Variants in ADAMTS20 observed in about 807,000 individuals in gnomAD.
The protein encoded by ADAMTS20 is A disintegrin and metalloproteinase with thrombospondin motifs 20.
A neutral mutation model predicts 260.1 loss-of-function variants in ADAMTS20; 225 were observed. The ratio of observed to expected loss-of-function variants is 0.87; its 90% CI spans 0.78 to 0.97. The LOEUF is 0.97. Among genes scored for constraint, ADAMTS20 ranks in the 50% least tolerant of loss-of-function variants. The pLI is 0.00. For missense variants in ADAMTS20, 2,400 were observed against 2,337.7 expected (o/e 1.03, Z -0.55); for synonymous variants, 802 against 769.5 (o/e 1.04, Z -0.70).
At position 43,428,726 on chromosome 12, in the gene ADAMTS20, T is replaced by G; in HGVS notation, c.3563A>C (p.Asp1188Ala). Residue 1188 changes from aspartate to alanine, a missense_variant, in exon 25 of 39, where the codon GAT becomes GCT. By Grantham distance (126) the Asp-to-Ala change is moderately radical. Transcript: ENST00000389420. ...SCRDALDRIA[D>A]ESYCAHLPRP... Reference sequence around the variant, plus strand: ...GGGTAAGTGGGCACAATATGATTCATCTGCTATTCTATCAAGAGCATCACG... The same window carrying G: ...GGGTAAGTGGGCACAATATGATTCAGCTGCTATTCTATCAAGAGCATCACG... 2 of 1,612,724 alleles carry G rather than the reference T, an allele frequency of 1.2e-6. No homozygotes were observed. The highest frequency in any genetic ancestry group is 3.3e-5 in the Admixed American group (2 of 59,956).
At chr12:43,413,584 C>T (rs1941073600) in intron 28 of ADAMTS20, among the ~76,000 whole-genome samples, 9 of 152,080 alleles carry the variant, frequency 5.9e-5, no homozygotes, top group Admixed American at 5.9e-4. Context: ...AAATATTTGT[C>T]TCAAAATAAT....
chr12:43,487,658 T>G (rs1942543536), intron 7 of ADAMTS20, among the ~76,000 whole-genome samples: 1 of 152,160 alleles, frequency 6.6e-6, no homozygotes, highest in African/African-American at 2.4e-5. Flanking sequence ...AATTTATTAT[T>G]GAATGACATT....
chr12:43,356,656 C>T, intron 37 of ADAMTS20, 68 bp from the exon 38 acceptor site: 1 of 1,175,528 alleles, frequency 8.5e-7, no homozygotes, highest in African/African-American at 1.5e-5. Flanking sequence ...AATAAGTCTT[C>T]TCAATTGCAA....
At chr12:43,369,160 AG>A (rs1940048698) in intron 37 of ADAMTS20, 129 bp downstream of exon 37, 1 of 487,922 alleles carries the variant, frequency 2.0e-6, no homozygotes, top group Admixed American at 4.5e-5. Flanking sequence ...TTTGAAACAA[AG>A]CGCATATGTG....
At chr12:43,387,792 C>A (rs1940512327) in intron 29 of ADAMTS20, among the ~76,000 whole-genome samples, 1 of 152,166 alleles carries the variant, frequency 6.6e-6, no homozygotes, top group African/African-American at 2.4e-5. Context: ...TGGTGGGCTC[C>A]ATCCTATTTG....
intron 2 of ADAMTS20, among the ~76,000 whole-genome samples, chr12:43,538,845 T>TAGAC (rs1466856181): frequency 6.6e-6 from 1 of 152,134 alleles, no homozygotes; most frequent in Non-Finnish European, 1.5e-5. Context: ...AGGCACTCTG[T>TAGAC]AGACAGCTGC....
At chr12:43,354,955 G>A (rs961646762) in intron 38 of ADAMTS20, among the ~76,000 whole-genome samples, 4 of 152,154 alleles carry the variant, frequency 2.6e-5, no homozygotes, top group African/African-American at 9.7e-5. Flanking sequence ...GAAGTGGGTT[G>A]GTCAGGACGT....
chr12:43,544,974 G>C (rs1002679287), intron 2 of ADAMTS20, among the ~76,000 whole-genome samples: 1 of 152,114 alleles, frequency 6.6e-6, no homozygotes, highest in Non-Finnish European at 1.5e-5. Flanking sequence ...TGCTCTGCCA[G>C]TAGCATGCTC....
At position 43,422,120 on chromosome 12, in the gene ADAMTS20, T is replaced by A. The variant is rs142504365; in HGVS notation, c.4284+3394A>T. 9.5e-4 allele frequency among the ~76,000 whole-genome samples: 145 copies of A among 152,188 alleles called. 3 individuals are homozygous for A. The East Asian group carries it at 0.024, about 25-fold the overall frequency. ...CAAAAATGTAGCCATTAAATTAACA[T>A]AGGCTAAGATTTATTTATTCCTTTT... On this transcript the variant is annotated intron_variant, in intron 28 of 38. Transcript: ENST00000389420.
rs1333098589 is a variant in ADAMTS20 at position 43,551,807 on chromosome 12, GA to G, written c.91+23del. The G allele has an allele frequency of 4.3e-6, 7 of 1,611,898 alleles. No homozygotes were observed. The highest frequency in any genetic ancestry group is 5.9e-6 in the Non-Finnish European group (7 of 1,178,654). On this transcript the variant is annotated intron_variant, in intron 1 of 38. Coordinates refer to ENST00000389420, the MANE Select transcript of ADAMTS20 (RefSeq NM_025003.5). This position sits in a 1 kb window ranked among gnomAD's most constrained non-coding sequence, Gnocchi z 4.6. Reference sequence around the variant, plus strand: ...GGCCCCGCGCCCCCACTTAGCCGCTGAAGGCGTCTCGCGGTGACTTTACCTT... The same window carrying G: ...GGCCCCGCGCCCCCACTTAGCCGCTGAGGCGTCTCGCGGTGACTTTACCTT...
chr12:43,384,086 TA>T, intron 29 of ADAMTS20, 109 bp from the exon 30 acceptor site: 1 of 1,007,480 alleles, frequency 9.9e-7, no homozygotes, highest in Non-Finnish European at 1.4e-6. Flanking sequence ...AGCCTGGTAT[TA>T]AAACATGAAT....
chr12:43,409,432 C>A (rs1440507679), intron 28 of ADAMTS20, among the ~76,000 whole-genome samples: 1 of 150,540 alleles, frequency 6.6e-6, no homozygotes, highest in Admixed American at 6.6e-5. Flanking sequence ...GAAACCTCGT[C>A]TCTACTAAAA....
chr12:43,538,514 T>A (rs1312858483), intron 2 of ADAMTS20, among the ~76,000 whole-genome samples: 1 of 152,356 alleles, frequency 6.6e-6, no homozygotes, highest in East Asian at 1.9e-4. Flanking sequence ...AGAAGCTTTT[T>A]AACTTGATGT....
intron 2 of ADAMTS20, among the ~76,000 whole-genome samples, chr12:43,546,869 T>G (rs1943447639): frequency 1.3e-5 from 2 of 152,240 alleles, no homozygotes; most frequent in South Asian, 4.1e-4. Flanking sequence ...ATACTTACAC[T>G]TATGGAAAAT....
intron 7 of ADAMTS20, among the ~76,000 whole-genome samples, chr12:43,484,408 GA>G (rs1942489475): frequency 6.6e-6 from 1 of 151,930 alleles, no homozygotes; most frequent in Non-Finnish European, 1.5e-5. Flanking sequence ...ATAGAGAGGT[GA>G]AAAACAAATA....
intron 14 of ADAMTS20, among the ~76,000 whole-genome samples, chr12:43,451,726 T>C (rs1941866936): frequency 6.6e-6 from 1 of 152,146 alleles, no homozygotes; most frequent in Non-Finnish European, 1.5e-5. Flanking sequence ...TTTACATGCC[T>C]ATTTCCCCCA....
intron 37 of ADAMTS20, among the ~76,000 whole-genome samples, chr12:43,367,590 T>C (rs2137196378): frequency 6.6e-6 from 1 of 152,162 alleles, no homozygotes; most frequent in South Asian, 2.1e-4. Flanking sequence ...ACTAACATAC[T>C]TACTGCTGAA....
intron 7 of ADAMTS20, among the ~76,000 whole-genome samples, chr12:43,472,224 G>C (rs1299187794): frequency 1.3e-5 from 2 of 151,454 alleles, no homozygotes; most frequent in African/African-American, 4.9e-5. Context: ...TCAACTGGAA[G>C]AAAGGGTATC....
chr12:43,421,816 C>T (rs1941243355), intron 28 of ADAMTS20, among the ~76,000 whole-genome samples: 1 of 151,782 alleles, frequency 6.6e-6, no homozygotes, highest in South Asian at 2.1e-4. Context: ...GTAAAAAATA[C>T]AGTAGCTTAT....
Sources: allele counts gnomAD v4.1 joint callset (sites outside exome capture counted in the v4.1 genomes callset), GRCh38; gene constraint gnomAD v4.1.1; non-coding constraint Gnocchi (gnomAD v3.1); transcripts MANE v1.5; gene names NCBI Gene and HGNC (gene_info 2026-07-23, HGNC 2026-07-21).